P2RX7: variants seen among roughly 807,000 people sequenced by gnomAD.
P2RX7 encodes purinergic receptor P2X 7.
P2RX7 carries 62 observed loss-of-function variants against 71.6 expected under a neutral mutation model. The ratio of observed to expected loss-of-function variants is 0.87; its 90% CI spans 0.71 to 1.07. P2RX7 has a LOEUF of 1.07. Ranked by LOEUF, P2RX7 falls within the 50% of genes least tolerant of loss-of-function variation. P2RX7 has a pLI of 0.00. For missense variants in P2RX7, 686 were observed against 748.5 expected (o/e 0.92, Z 0.97); for synonymous variants, 299 against 283.3 (o/e 1.06, Z -0.56).
chr12:121,162,194 T>C (rs1879862658), intron 4 of P2RX7: 1 of 1,300,514 alleles, frequency 7.7e-7, no homozygotes, highest in African/African-American at 1.5e-5. Flanking sequence ...GCCAGCAGAA[T>C]CCACAGTCTT....
chr12:121,133,198 C>T (rs777935040), intron 1 of P2RX7, 103 bp downstream of exon 1: 14 of 1,355,088 alleles, frequency 1.0e-5, no homozygotes, highest in East Asian at 4.6e-5. Context: ...ACATGGTTTT[C>T]GAATCTGAGA....
At chr12:121,142,448 C>T (rs1205582408) in intron 1 of P2RX7, among the ~76,000 whole-genome samples, 2 of 152,164 alleles carry the variant, frequency 1.3e-5, no homozygotes, top group African/African-American at 4.8e-5. Context: ...AAATCTCTGA[C>T]TTCTCTCCCG....
intron 9 of P2RX7, among the ~76,000 whole-genome samples, chr12:121,175,930 C>A (rs1883037338): frequency 6.6e-6 from 1 of 152,122 alleles, no homozygotes; most frequent in Non-Finnish European, 1.5e-5. Flanking sequence ...TTGCCACCTT[C>A]CGTGTCTTAT....
At chr12:121,176,405 G>A (rs1565974007) in intron 9 of P2RX7, among the ~76,000 whole-genome samples, 1 of 152,162 alleles carries the variant, frequency 6.6e-6, no homozygotes, top group Admixed American at 6.5e-5. Context: ...TGATAAGCAG[G>A]ACTAGAAGCA....
chr12:121,152,682 G>C (rs1036733802), intron 1 of P2RX7, among the ~76,000 whole-genome samples: 18 of 152,194 alleles, frequency 1.2e-4, no homozygotes, highest in African/African-American at 4.3e-4. Context: ...ACCGTACCCA[G>C]TTAATTTTTA....
chr12:121,181,845 C>G (rs1884196185), intron 12 of P2RX7, among the ~76,000 whole-genome samples: 1 of 151,832 alleles, frequency 6.6e-6, no homozygotes. Flanking sequence ...GGGCGGATCA[C>G]CTGAGGTCAG....
At position 121,187,634 on chromosome 12, in the gene P2RX7, C is replaced by T. The variant is rs1885006258; in HGVS notation, c.*2832C>T. Reference sequence around the variant, plus strand: ...ATCTACTGTTTTCCATCACCTTCCCCACTGATGCTCTGGGCGAGAGAGTGA... The same window carrying T: ...ATCTACTGTTTTCCATCACCTTCCCTACTGATGCTCTGGGCGAGAGAGTGA... On this transcript the variant is annotated 3_prime_UTR_variant, in exon 13 of 13. Coordinates refer to ENST00000328963, the MANE Select transcript of P2RX7 (RefSeq NM_002562.6). 1.3e-5 allele frequency: 2 copies of T among 151,846 alleles called. No individual in the cohort carries two copies. Among genetic ancestry groups the T allele is most frequent in the Admixed American group, 1.3e-4 (2 of 15,254 alleles). 9.4% of individuals were successfully genotyped at this position (151,846 alleles called of 1,614,324 possible). A position where few individuals can be genotyped will look rare whatever the true frequency, so the allele number is the denominator to read the frequency against.
intron 11 of P2RX7, among the ~76,000 whole-genome samples, chr12:121,179,786 A>G (rs1169685764): frequency 2.6e-5 from 4 of 152,224 alleles, no homozygotes; most frequent in African/African-American, 9.6e-5. Flanking sequence ...AATTTTATGC[A>G]GCAACTGGGG....
chr12:121,177,896 T>C (rs1883437030), intron 11 of P2RX7, among the ~76,000 whole-genome samples: 1 of 151,852 alleles, frequency 6.6e-6, no homozygotes, highest in South Asian at 2.1e-4. Context: ...TTTTTGTATT[T>C]TTAGTAGAGA....
chr12:121,174,735 G>T (rs1044145683), intron 8 of P2RX7, among the ~76,000 whole-genome samples: 10 of 151,812 alleles, frequency 6.6e-5, no homozygotes, highest in African/African-American at 2.4e-4. Flanking sequence ...TAGTCATATT[G>T]CTTGAAGTTT....
At chr12:121,153,728 C>T (rs1442459674) in intron 1 of P2RX7, among the ~76,000 whole-genome samples, 3 of 152,038 alleles carry the variant, frequency 2.0e-5, no homozygotes, top group East Asian at 3.9e-4. Context: ...TGGCGCATGC[C>T]GGTAATCCTG....
chr12:121,168,050 T>C (rs1157186403), intron 8 of P2RX7, among the ~76,000 whole-genome samples: 1 of 151,982 alleles, frequency 6.6e-6, no homozygotes, highest in Non-Finnish European at 1.5e-5. Context: ...CCTGAAATAA[T>C]CAATAACAAC....
intron 11 of P2RX7, among the ~76,000 whole-genome samples, chr12:121,180,147 CAAA>C (rs60397642): frequency 6.2e-5 from 4 of 64,658 alleles, no homozygotes; most frequent in African/African-American, 5.7e-5. Context: ...AACTCCAACT[CAAA>C]AAAAAAAAAA....
At chr12:121,178,472 G>A (rs1883526541) in intron 11 of P2RX7, among the ~76,000 whole-genome samples, 1 of 152,144 alleles carries the variant, frequency 6.6e-6, no homozygotes, top group African/African-American at 2.4e-5. Flanking sequence ...CTATATATGA[G>A]GAAATTGAGC....
intron 1 of P2RX7, among the ~76,000 whole-genome samples, chr12:121,152,117 T>C (rs1303170283): frequency 2.6e-5 from 4 of 151,886 alleles, no homozygotes; most frequent in Admixed American, 6.6e-5. Context: ...GTAGTTGGGA[T>C]TACAGGCGCA....
Position 121,186,067 on chromosome 12 carries a change from AG to A in P2RX7, c.*1266del. 6.6e-6 allele frequency: 1 copy of A among 152,546 alleles called. No homozygotes were observed. The highest frequency in any genetic ancestry group is 1.5e-5 in the Non-Finnish European group (1 of 68,766). The allele number at this position is 152,546 out of a possible 1,614,324, so 9.4% of individuals were successfully genotyped here. On this transcript the variant is annotated 3_prime_UTR_variant, in exon 13 of 13. Coordinates refer to ENST00000328963, the MANE Select transcript of P2RX7 (RefSeq NM_002562.6). ...AGACTCCATCTCAAAAAAAAAAAAA[AG>A]AAAAAAAAAATGTCTGCCTATCCTG... is the stretch of plus-strand genomic sequence containing the variant.
chr12:121,162,531 T>C lies in P2RX7; in HGVS notation c.533+11T>C. Reference sequence around the variant, plus strand: ...GGAAGAGGCCCCCCGGTGAGTCGCATGGGGAGACAGACACAGTGGCCCTCA... The same window carrying C: ...GGAAGAGGCCCCCCGGTGAGTCGCACGGGGAGACAGACACAGTGGCCCTCA... On this transcript the variant is annotated intron_variant, in intron 5 of 12. Coordinates refer to ENST00000328963, the MANE Select transcript of P2RX7 (RefSeq NM_002562.6). 6.2e-7 allele frequency: 1 copy of C among 1,611,318 alleles called. No homozygotes were observed. The highest frequency in any genetic ancestry group is 8.5e-7 in the Non-Finnish European group (1 of 1,179,872).
intron 1 of P2RX7, among the ~76,000 whole-genome samples, chr12:121,134,067 G>A (rs1010306674): frequency 6.6e-6 from 1 of 152,104 alleles, no homozygotes; most frequent in Non-Finnish European, 1.5e-5. Context: ...TCCATTGCAT[G>A]GATAGACCAC....
Position 121,167,539 on chromosome 12 carries a change from T to C in P2RX7, c.796T>C (p.Phe266Leu), listed in dbSNP as rs771980724. 1 of 1,613,818 alleles carries C rather than the reference T, an allele frequency of 6.2e-7. No homozygotes were observed. The highest frequency in any genetic ancestry group is 1.1e-5 in the South Asian group (1 of 91,066). Reference protein sequence around the residue: ...IYWDCNLDRWFHHCRPKYSFR... With the variant: ...IYWDCNLDRWLHHCRPKYSFR... ...CTGGGACTGCAACCTAGACCGTTGG[T>C]TCCATCACTGCCGTCCCAAATACAG... The change falls in exon 8 of 13, where the codon TTC becomes CTC. Residue 266 changes from phenylalanine (F) to leucine (L), a missense_variant. Phe to Leu is a conservative substitution (Grantham distance 22). Transcript: ENST00000328963.
Sources: gnomAD v4.1 joint callset for allele counts (sites outside exome capture counted in the v4.1 genomes callset) on GRCh38, gnomAD v4.1.1 for gene constraint, MANE v1.5 for transcripts, NCBI Gene and HGNC (gene_info 2026-07-23, HGNC 2026-07-21) for gene names.